CWC22: variants seen among roughly 807,000 people sequenced by gnomAD.
The protein encoded by CWC22 is pre-mRNA-splicing factor CWC22 homolog.
Under a neutral mutation model 117.2 loss-of-function variants are expected in CWC22, and 53 were observed. That is an observed-to-expected ratio of 0.45 (90% CI 0.36 to 0.57). CWC22 has a LOEUF of 0.57. CWC22 is among the 20% of genes least tolerant of loss of function. The pLI is 0.00. For missense variants in CWC22, 980 were observed against 1,068.8 expected (o/e 0.92, Z 1.16); for synonymous variants, 360 against 355.6 (o/e 1.01, Z -0.14).
intron 19 of CWC22, among the ~76,000 whole-genome samples, chr2:179,946,923 T>A (rs1005623665): frequency 2.0e-5 from 3 of 152,170 alleles, no homozygotes; most frequent in African/African-American, 7.2e-5. Context: ...AGGCTTAGTT[T>A]CTGTAGAAAC....
chr2:179,979,592 T>C (rs557588193), intron 5 of CWC22, among the ~76,000 whole-genome samples: 2 of 152,186 alleles, frequency 1.3e-5, no homozygotes, highest in Non-Finnish European at 2.9e-5. Context: ...GGAACGAGTA[T>C]TGTATCACTG....
chr2:179,977,764 T>C (rs1479182322), intron 6 of CWC22, among the ~76,000 whole-genome samples: 2 of 152,216 alleles, frequency 1.3e-5, no homozygotes, highest in Non-Finnish European at 2.9e-5. Context: ...GTTAAACAGC[T>C]TGATTTAGTC....
intron 2 of CWC22, among the ~76,000 whole-genome samples, chr2:179,989,216 T>C (rs1332032853): frequency 1.4e-5 from 2 of 148,118 alleles, no homozygotes; most frequent in East Asian, 4.0e-4. Flanking sequence ...ACATCTAGTT[T>C]ATATTTTACT....
At chr2:179,991,250 C>CT (rs1031178824) in intron 2 of CWC22, among the ~76,000 whole-genome samples, 1 of 151,110 alleles carries the variant, frequency 6.6e-6, no homozygotes, top group Non-Finnish European at 1.5e-5. Flanking sequence ...GGAGGAGGTG[C>CT]TGGAAGAGGT....
chr2:179,969,313 A>AG (rs1686972801), intron 11 of CWC22, among the ~76,000 whole-genome samples: 1 of 152,120 alleles, frequency 6.6e-6, no homozygotes, highest in Non-Finnish European at 1.5e-5. Context: ...AAATTATAAC[A>AG]GAAAAAAAGA....
intron 1 of CWC22, among the ~76,000 whole-genome samples, chr2:180,001,141 T>C (rs902160996): frequency 5.3e-5 from 8 of 152,164 alleles, no homozygotes; most frequent in African/African-American, 1.9e-4. Context: ...ACAGTATTGA[T>C]TTCTATTTAA....
At chr2:179,956,149 T>A (rs13029885) in intron 14 of CWC22, among the ~76,000 whole-genome samples, 22,086 of 151,586 alleles carry the variant, frequency 0.15, 1,985 homozygotes, top group Admixed American at 0.29. Context: ...TTTTAAAAAA[T>A]TATATAATTA....
At chr2:179,992,860 C>T (rs1687603067) in intron 2 of CWC22, among the ~76,000 whole-genome samples, 1 of 152,152 alleles carries the variant, frequency 6.6e-6, no homozygotes, top group Admixed American at 6.5e-5. Flanking sequence ...AGAGACCATC[C>T]ATCTATTCAT....
chr2:179,971,980 T>A (rs1687046552), intron 8 of CWC22, among the ~76,000 whole-genome samples: 1 of 152,136 alleles, frequency 6.6e-6, no homozygotes, highest in African/African-American at 2.4e-5. Flanking sequence ...ATGCAAAAAA[T>A]TTATCATATC....
intron 11 of CWC22, among the ~76,000 whole-genome samples, chr2:179,969,824 A>C (rs540144108): frequency 6.6e-6 from 1 of 152,318 alleles, no homozygotes; most frequent in South Asian, 2.1e-4. Flanking sequence ...GAGGAAAATA[A>C]TACAAATGTG....
intron 11 of CWC22, 97 bp from the exon 12 acceptor site, chr2:179,966,079 G>A: frequency 1.1e-6 from 1 of 911,684 alleles, no homozygotes; most frequent in Non-Finnish European, 1.7e-6. Flanking sequence ...GAAATCCACT[G>A]TGGTGTAACA....
At chr2:179,947,357 T>C (rs147080570) in intron 19 of CWC22, among the ~76,000 whole-genome samples, 49 of 152,298 alleles carry the variant, frequency 3.2e-4, no homozygotes, top group African/African-American at 1.1e-3. Context: ...TTGATCCTAC[T>C]GTACACCACT....
At chr2:179,953,337 T>C (rs1686503114) in intron 16 of CWC22, among the ~76,000 whole-genome samples, 1 of 152,152 alleles carries the variant, frequency 6.6e-6, no homozygotes, top group African/African-American at 2.4e-5. Context: ...ATTCTACCAT[T>C]AGTAGGATGG....
intron 4 of CWC22, among the ~76,000 whole-genome samples, chr2:179,982,718 CT>C (rs1360169095): frequency 1.3e-5 from 2 of 152,106 alleles, no homozygotes; most frequent in Non-Finnish European, 2.9e-5. Context: ...CCTGATTATC[CT>C]TTCTTAAGCT....
At chr2:180,002,996 C>T (rs971725034) in intron 1 of CWC22, among the ~76,000 whole-genome samples, 4 of 152,172 alleles carry the variant, frequency 2.6e-5, no homozygotes, top group Non-Finnish European at 5.9e-5. Context: ...TAATAAGTTC[C>T]AAGTCTAAAA....
At chr2:179,988,989 G>A (rs1479082601) in intron 2 of CWC22, among the ~76,000 whole-genome samples, 3 of 150,950 alleles carry the variant, frequency 2.0e-5, no homozygotes, top group Non-Finnish European at 4.4e-5. Context: ...GTTCTTTAGT[G>A]GTGATTTCTG....
At position 180,002,011 on chromosome 2, in the gene CWC22, T is replaced by C. The variant is rs373550887; in HGVS notation, c.-114+4856A>G. 2.0e-5 allele frequency among the ~76,000 whole-genome samples: 3 copies of C among 152,230 alleles called. No individual in the cohort carries two copies. The East Asian group carries it at 5.8e-4, about 29-fold the overall frequency. ...CTTTCTCCATATTATCTGTGGAAGA[T>C]CATCTCCATCCCCATAGCTTTAATT... On this transcript the variant is annotated intron_variant, in intron 1 of 19. Transcript: ENST00000410053.
Position 179,988,474 on chromosome 2 carries a change from A to G in CWC22, c.95+103T>C, listed in dbSNP as rs1687475235. On this transcript the variant is annotated intron_variant, in intron 3 of 19. Coordinates refer to ENST00000410053, the MANE Select transcript of CWC22 (RefSeq NM_020943.3). ...GTAATATTGGTTATAAAACCATTAA[A>G]AAGAAGTTATCCACCCTAAAATTAG... 3 of 643,520 alleles carry G rather than the reference A, an allele frequency of 4.7e-6. No individual in the cohort carries two copies. The South Asian group carries it at 6.3e-5, about 13-fold the overall frequency. 39.9% of individuals were successfully genotyped at this position (643,520 alleles called of 1,614,324 possible).
rs367552164 is a variant in CWC22, at chr2:179,950,536, T to C, written c.2116A>G (p.Ile706Val). Reference sequence around the variant, plus strand: ...CCTGAGGCAGAGCTATGACTACTGATGGATGAAGAGTCGCTCTCTTCACTG... The same window carrying C: ...CCTGAGGCAGAGCTATGACTACTGACGGATGAAGAGTCGCTCTCTTCACTG... ...SSSEESDSSSISSHSSASAND... is the reference protein window; with the variant it reads ...SSSEESDSSSVSSHSSASAND... Residue 706 changes from isoleucine (I) to valine (V), a missense_variant, in exon 19 of 20, where the codon ATC (isoleucine) becomes GTC (valine). Ile to Val is a conservative substitution (Grantham distance 29). Around this residue, in one of 3 missense-constraint regions of CWC22, gnomAD observed 306 missense variants for 296.8 expected, o/e 1.03. Transcript: ENST00000410053. The C allele has an allele frequency of 6.2e-7, 1 of 1,611,276 alleles. No homozygotes were observed. The highest frequency in any genetic ancestry group is 8.5e-7 in the Non-Finnish European group (1 of 1,178,036).
Sources: gnomAD v4.1 joint callset for allele counts (sites outside exome capture counted in the v4.1 genomes callset) on GRCh38, gnomAD v4.1.1 for gene constraint, gnomAD v4.1.1 regional missense constraint, MANE v1.5 for transcripts, NCBI Gene and HGNC (gene_info 2026-07-23, HGNC 2026-07-21) for gene names.